ARHGAP12: variants seen among roughly 807,000 people sequenced by gnomAD.
ARHGAP12 encodes the protein Rho GTPase activating protein 12.
Under a neutral mutation model 108.6 loss-of-function variants are expected in ARHGAP12, and 64 were observed. That is an observed-to-expected ratio of 0.59 (90% confidence interval 0.48 to 0.73). The LOEUF is 0.73. Ranked by LOEUF, ARHGAP12 falls within the 30% of genes least tolerant of loss-of-function variation. The pLI, the probability that ARHGAP12 is intolerant of heterozygous loss-of-function variation, is 0.00. For missense variants in ARHGAP12, 940 were observed against 1,005.9 expected (o/e 0.93, Z 0.89); for synonymous variants, 312 against 337.2 (o/e 0.93, Z 0.82).
At chr10:31,908,972 C>T (rs1839248555) in intron 2 of ARHGAP12, 46 bp from the exon 3 acceptor site, 10 of 1,009,576 alleles carry the variant, frequency 9.9e-6, no homozygotes, top group Non-Finnish European at 1.4e-5. Flanking sequence ...AAAGTTAATG[C>T]AATCTGGATT....
chr10:31,885,822 A>G (rs1327075797), intron 3 of ARHGAP12, among the ~76,000 whole-genome samples: 1 of 151,946 alleles, frequency 6.6e-6, no homozygotes, highest in Non-Finnish European at 1.5e-5. Context: ...CCAACTCAAA[A>G]AAAAAAAAAA....
chr10:31,904,261 T>C (rs957157392), intron 3 of ARHGAP12, among the ~76,000 whole-genome samples: 6 of 152,154 alleles, frequency 3.9e-5, no homozygotes, highest in African/African-American at 1.2e-4. Flanking sequence ...ATCCATACCA[T>C]AGAATACCAC....
At chr10:31,882,463 T>A (rs1300669219) in intron 3 of ARHGAP12, among the ~76,000 whole-genome samples, 1 of 152,184 alleles carries the variant, frequency 6.6e-6, no homozygotes, top group Non-Finnish European at 1.5e-5. Context: ...TAAACTTTTA[T>A]GTTACTTTGC....
At chr10:31,893,569 A>T (rs1838548583) in intron 3 of ARHGAP12, among the ~76,000 whole-genome samples, 1 of 151,700 alleles carries the variant, frequency 6.6e-6, no homozygotes, top group Admixed American at 6.6e-5. Flanking sequence ...CTCTGAATAG[A>T]CCAATAACAG....
intron 3 of ARHGAP12, among the ~76,000 whole-genome samples, chr10:31,893,415 TCAC>T (rs1838542023): frequency 6.6e-6 from 1 of 151,878 alleles, no homozygotes; most frequent in South Asian, 2.1e-4. Context: ...AAAGGGGATA[TCAC>T]CACCGATCCC....
rs779146437 is a variant in ARHGAP12, at chr10:31,812,862, T to TA, written c.1835-40dup. ...GACAGGTAATGAGCATTTGTAAAAATAAAGTTTTTTTGATACAAGTTTTTC... is the reference window on the plus strand; with the variant it reads ...GACAGGTAATGAGCATTTGTAAAAATAAAAGTTTTTTTGATACAAGTTTTTC... On this transcript the variant is annotated intron_variant, in intron 14 of 19. Transcript: ENST00000344936. The TA allele has an allele frequency of 6.3e-6, 8 of 1,271,490 alleles. No homozygotes were observed. The East Asian group carries it at 1.9e-4, about 30-fold the overall frequency. 78.8% of individuals were successfully genotyped at this position (1,271,490 alleles called of 1,614,324 possible).
chr10:31,903,681 G>A (rs1457177629), intron 3 of ARHGAP12, among the ~76,000 whole-genome samples: 2 of 151,940 alleles, frequency 1.3e-5, no homozygotes, highest in East Asian at 1.9e-4. Context: ...TACATGCTGG[G>A]AGAAAATATC....
At chr10:31,876,311 C>G (rs964063943) in intron 3 of ARHGAP12, among the ~76,000 whole-genome samples, 1 of 152,046 alleles carries the variant, frequency 6.6e-6, no homozygotes, top group African/African-American at 2.4e-5. Flanking sequence ...TGAGGTCAGG[C>G]GGTAGAGACC....
At chr10:31,855,187 A>G (rs1836844471) in intron 4 of ARHGAP12, among the ~76,000 whole-genome samples, 2 of 151,938 alleles carry the variant, frequency 1.3e-5, no homozygotes, top group African/African-American at 4.8e-5. Context: ...TACACATGAT[A>G]TGATAAACTG....
chr10:31,825,828 G>A (rs1050369040), intron 11 of ARHGAP12, among the ~76,000 whole-genome samples: 2 of 152,126 alleles, frequency 1.3e-5, no homozygotes, highest in African/African-American at 4.8e-5. Context: ...AATCCCACAA[G>A]TAATGTGACA....
chr10:31,826,620 T>A (rs374964466), intron 10 of ARHGAP12, among the ~76,000 whole-genome samples: 2 of 152,204 alleles, frequency 1.3e-5, no homozygotes, highest in East Asian at 3.8e-4. Flanking sequence ...TTATCAGAAA[T>A]AACTATGAAT....
chr10:31,875,265 C>G (rs1300195075), intron 3 of ARHGAP12, among the ~76,000 whole-genome samples: 1 of 152,026 alleles, frequency 6.6e-6, no homozygotes, highest in Non-Finnish European at 1.5e-5. Flanking sequence ...TAGCTAAGCT[C>G]TAGAAGCACA....
chr10:31,912,161 C>G (rs1379117039), intron 1 of ARHGAP12, among the ~76,000 whole-genome samples: 1 of 152,110 alleles, frequency 6.6e-6, no homozygotes, highest in African/African-American at 2.4e-5. Context: ...CACAACTTTT[C>G]AAAATTTTAC....
intron 3 of ARHGAP12, among the ~76,000 whole-genome samples, chr10:31,898,047 C>A (rs1277174653): frequency 6.6e-6 from 1 of 152,058 alleles, no homozygotes; most frequent in African/African-American, 2.4e-5. Flanking sequence ...TCGCTTGAAC[C>A]CAGGAGGTCA....
At chr10:31,858,318 T>C (rs777747210) in intron 4 of ARHGAP12, among the ~76,000 whole-genome samples, 1 of 152,138 alleles carries the variant, frequency 6.6e-6, no homozygotes, top group Non-Finnish European at 1.5e-5. Context: ...GGGCTAAAAA[T>C]TGAAATACAA....
rs750559808 is a variant in ARHGAP12 at position 31,817,877 on chromosome 10, G to A, written c.1642C>T (p.Arg548Cys). The A allele has an allele frequency of 3.0e-5, 49 of 1,610,092 alleles. No individual in the cohort carries two copies. The highest frequency in any genetic ancestry group is 1.2e-4 in the Admixed American group (7 of 59,358). ...TGAATTAGCAGTTCTGTTCCTTGAC[G>A]AGTTTTCAGCTTTAGAGAAAAGCAG... ...SKKNVFELKT[R>C]QGTELLIQSD... Residue 548 changes from arginine to cysteine, a missense_variant, in exon 13 of 20, where the codon CGT becomes TGT. By Grantham distance (180) the Arg-to-Cys change is radical. Coordinates refer to ENST00000344936, the MANE Select transcript of ARHGAP12 (RefSeq NM_018287.7).
intron 3 of ARHGAP12, among the ~76,000 whole-genome samples, chr10:31,894,198 T>G (rs1487539963): frequency 6.6e-6 from 1 of 152,238 alleles, no homozygotes; most frequent in Non-Finnish European, 1.5e-5. Flanking sequence ...AAGACAGGCA[T>G]GCCCTCTCTC....
chr10:31,907,559 A>C (rs2132453322), intron 3 of ARHGAP12, among the ~76,000 whole-genome samples: 1 of 151,778 alleles, frequency 6.6e-6, no homozygotes, highest in South Asian at 2.1e-4. Context: ...ACTTGAGCCC[A>C]GGAGGTGAAG....
chr10:31,920,284 T>TA (rs1839740441), intron 1 of ARHGAP12, among the ~76,000 whole-genome samples: 1 of 151,206 alleles, frequency 6.6e-6, no homozygotes, highest in Non-Finnish European at 1.5e-5. Flanking sequence ...AACCTCACTC[T>TA]ACTAAAAATA....
Sources: gnomAD v4.1 joint callset for allele counts (sites outside exome capture counted in the v4.1 genomes callset) on GRCh38, gnomAD v4.1.1 for gene constraint, MANE v1.5 for transcripts, NCBI Gene and HGNC (gene_info 2026-07-23, HGNC 2026-07-21) for gene names.